DNASE1: variants seen among roughly 807,000 people sequenced by gnomAD.
DNASE1 encodes the protein deoxyribonuclease-1.
In DNASE1, 40 loss-of-function variants were observed where a neutral mutation model predicts 33.9. That is an observed-to-expected ratio of 1.18 (90% confidence interval 0.92 to 1.54). The LOEUF (loss-of-function observed/expected upper bound fraction) is 1.54, where lower values mean the gene tolerates loss of function less well. DNASE1 is among the 40% of genes most tolerant of loss of function. The pLI is 0.00. For synonymous variants in DNASE1, 216 were observed against 160.0 expected (o/e 1.35, Z -2.64); for missense variants, 518 against 372.6 (o/e 1.39, Z -3.21).
chr16:3,623,375 A>G (rs921288136), intron 1 of DNASE1, among the ~76,000 whole-genome samples: 4 of 152,218 alleles, frequency 2.6e-5, no homozygotes, highest in African/African-American at 7.2e-5. Context: ...AACTCTAAAG[A>G]TCTTAGAAGA....
chr16:3,659,888 T>C (rs1482134105), downstream of DNASE1: 4 of 152,192 alleles, frequency 2.6e-5, no homozygotes, highest in Non-Finnish European at 5.9e-5. Flanking sequence ...TAACTGGGAT[T>C]ACAGGCACCC....
chr16:3,643,307 G>A (rs764374412), intron 1 of DNASE1, among the ~76,000 whole-genome samples: 2 of 152,270 alleles, frequency 1.3e-5, no homozygotes, highest in East Asian at 1.9e-4. Context: ...AGCTGCTTAG[G>A]GCAGAGGAGC....
chr16:3,663,745 A>C (rs2050750554), exon 10 of DNASE1: 11 of 692,884 alleles, frequency 1.6e-5, no homozygotes, highest in Non-Finnish European at 2.4e-5. Context: ...GAAGGCTCTG[A>C]CTGCCTTCAA....
chr16:3,658,708 G>A (rs2151230737), downstream of DNASE1: 1 of 1,284,536 alleles, frequency 7.8e-7, no homozygotes, highest in East Asian at 2.5e-5. Context: ...CAGGATTTTA[G>A]AGGAAACCGC....
chr16:3,653,307 C>T (rs568054081), upstream of DNASE1: 5 of 152,338 alleles, frequency 3.3e-5, no homozygotes, highest in South Asian at 1.0e-3. Context: ...TTCAGACGTC[C>T]AGTCTCCGGA....
In DNASE1 at chr16:3,655,880, A is replaced by G. The variant is rs142318540; in HGVS notation, c.179A>G (p.Gln60Arg). The change falls in exon 3 of 9, where the codon CAG becomes CGG. Residue 60 changes from glutamine to arginine, a missense_variant. Coordinates refer to ENST00000246949, the MANE Select transcript of DNASE1 (RefSeq NM_005223.4). ...AGCCGCTATGACATCGCCCTGGTCC[A>G]GGAGGTCAGAGACAGCCACCTGACT... is the stretch of plus-strand genomic sequence containing the variant. ...ILSRYDIALV[Q>R]EVRDSHLTAV... 1,289 of 1,613,962 alleles carry G rather than the reference A, an allele frequency of 8.0e-4. 5 individuals carry two copies. Among genetic ancestry groups the G allele is most frequent in the Non-Finnish European group, 1.0e-3 (1,224 of 1,179,994 alleles).
chr16:3,658,682 CAAACAAACAA>C, downstream of DNASE1: 1 of 1,129,070 alleles, frequency 8.9e-7, no homozygotes, highest in Non-Finnish European at 1.3e-6. Context: ...AAAAAACAAA[CAAACAAACAA>C]AAAGACAGGA....
intron 1 of DNASE1, among the ~76,000 whole-genome samples, chr16:3,627,505 G>T (rs550546845): frequency 6.6e-6 from 1 of 152,006 alleles, no homozygotes; most frequent in East Asian, 1.9e-4. Context: ...TGGAACTCCT[G>T]GGCTCAAGTG....
At chr16:3,644,219 G>A (rs573777010) in intron 1 of DNASE1, among the ~76,000 whole-genome samples, 94 of 152,246 alleles carry the variant, frequency 6.2e-4, no homozygotes, top group African/African-American at 2.2e-3. Context: ...GAGGTGAAGA[G>A]TTTGAGACCA....
intron 1 of DNASE1, among the ~76,000 whole-genome samples, chr16:3,615,591 G>C (rs1053069238): frequency 6.6e-5 from 10 of 152,198 alleles, no homozygotes; most frequent in African/African-American, 2.4e-4. Flanking sequence ...GAAGATGTCA[G>C]ATACTAAAAG....
At chr16:3,657,646 T>G in intron 7 of DNASE1, 74 bp from the exon 8 acceptor site, 2 of 1,585,666 alleles carry the variant, frequency 1.3e-6, no homozygotes, top group Non-Finnish European at 1.7e-6. Flanking sequence ...GGGCTCTTAG[T>G]TTAGTTCCTG....
At chr16:3,648,587 C>G (rs1446636103) in intron 1 of DNASE1, among the ~76,000 whole-genome samples, 1 of 152,064 alleles carries the variant, frequency 6.6e-6, no homozygotes, top group Non-Finnish European at 1.5e-5. Flanking sequence ...CGCCACTGCA[C>G]TCCAGCCTAG....
At chr16:3,623,422 C>T in intron 1 of DNASE1, among the ~76,000 whole-genome samples, 1 of 152,030 alleles carries the variant, frequency 6.6e-6, no homozygotes, top group East Asian at 1.9e-4. Context: ...TTAGCCTAGG[C>T]AAAGAATATA....
chr16:3,629,670 T>G (rs1413469941), intron 1 of DNASE1, among the ~76,000 whole-genome samples: 3 of 152,206 alleles, frequency 2.0e-5, no homozygotes, highest in Admixed American at 6.5e-5. Context: ...AGTTGTTGTT[T>G]AAATGTTTGG....
At chr16:3,663,159 G>A (rs1701682771) in exon 10 of DNASE1, 6 of 659,486 alleles carry the variant, frequency 9.1e-6, no homozygotes, top group Non-Finnish European at 1.5e-5. Flanking sequence ...ATACAACTTG[G>A]TTAGGGCTTT....
At chr16:3,663,085 G>A (rs553112260), downstream of DNASE1, 3 of 784,836 alleles carry the variant, frequency 3.8e-6, no homozygotes, top group South Asian at 5.4e-5. Context: ...GGAGACACAA[G>A]CTAGCAAGAT....
intron 1 of DNASE1, among the ~76,000 whole-genome samples, chr16:3,631,457 G>A (rs1240091583): frequency 1.3e-5 from 2 of 152,128 alleles, no homozygotes; most frequent in Non-Finnish European, 1.5e-5. Context: ...CACCTGCCTC[G>A]GCCTCCCAAA....
downstream of DNASE1, chr16:3,662,645 G>C (rs545298417): frequency 7.4e-6 from 5 of 678,254 alleles, no homozygotes; most frequent in African/African-American, 7.0e-5. Flanking sequence ...TGGTTTTTCA[G>C]TTCTCAGTTC....
At chr16:3,624,041 T>C (rs1471249799) in intron 1 of DNASE1, among the ~76,000 whole-genome samples, 2 of 152,034 alleles carry the variant, frequency 1.3e-5, no homozygotes. Context: ...TCCCAGCACT[T>C]TGGGAGGCTA....
Sources: allele counts gnomAD v4.1 joint callset (sites outside exome capture counted in the v4.1 genomes callset), GRCh38; gene constraint gnomAD v4.1.1; transcripts MANE v1.5; gene names NCBI Gene and HGNC (gene_info 2026-07-23, HGNC 2026-07-21).